STX8: variants seen among roughly 807,000 people sequenced by gnomAD.
The protein encoded by STX8 is syntaxin-8.
A neutral mutation model predicts 37.5 loss-of-function variants in STX8; 23 were observed. The observed-to-expected ratio is 0.61, with a 90% CI of 0.44 to 0.87. STX8 has a LOEUF of 0.87. Among genes scored for constraint, STX8 ranks in the 40% least tolerant of loss-of-function variants. STX8 has a pLI of 0.00. For missense variants in STX8, 313 were observed against 284.7 expected, an observed-to-expected ratio of 1.10 and a Z score of -0.71; for synonymous variants, 115 against 99.1, an observed-to-expected ratio of 1.16 and a Z score of -0.95.
At position 9,563,859 on chromosome 17, in the gene STX8, C is replaced by T. The variant is rs923872856; in HGVS notation, c.117+4512G>A. Among the ~76,000 whole-genome samples the T allele has an allele frequency of 6.6e-5, 10 of 152,044 alleles. No individual in the cohort carries two copies. The South Asian group carries it at 8.3e-4, about 13-fold the overall frequency. ...AGTCCTCAAAAAAATACTGGCAAAC[C>T]GAATCCAGCAGCACATCAAAAAGCT... On this transcript the variant is annotated intron_variant, in intron 2 of 7. Coordinates refer to ENST00000306357, the MANE Select transcript of STX8 (RefSeq NM_004853.3).
chr17:9,321,037 G>A (rs1323162516), intron 7 of STX8, among the ~76,000 whole-genome samples: 2 of 151,680 alleles, frequency 1.3e-5, no homozygotes, highest in African/African-American at 2.4e-5. Flanking sequence ...CGAGAGAAGA[G>A]GTAGAAGAAA....
At chr17:9,485,761 T>C (rs1906568980) in intron 6 of STX8, among the ~76,000 whole-genome samples, 1 of 152,088 alleles carries the variant, frequency 6.6e-6, no homozygotes, top group Non-Finnish European at 1.5e-5. Flanking sequence ...AATTTTTTTA[T>C]TTTTAGTAGA....
chr17:9,323,939 G>C (rs1455231950), intron 7 of STX8, among the ~76,000 whole-genome samples: 1 of 152,158 alleles, frequency 6.6e-6, no homozygotes, highest in Non-Finnish European at 1.5e-5. Flanking sequence ...GGTGGTACCT[G>C]CTGGGGGAAT....
chr17:9,520,813 T>C (rs184258445), intron 4 of STX8, among the ~76,000 whole-genome samples: 3 of 152,322 alleles, frequency 2.0e-5, no homozygotes, highest in African/African-American at 4.8e-5. Flanking sequence ...TTCCAAGAAG[T>C]AGCTTTCTTT....
rs75196803 is a variant in STX8, at chr17:9,535,839, A to G, written c.323+9333T>C. On this transcript the variant is annotated intron_variant, in intron 4 of 7. Coordinates refer to ENST00000306357, the MANE Select transcript of STX8 (RefSeq NM_004853.3). The stretch of plus-strand genomic sequence containing the variant: ...AAAAGACTGAAAACAATACTCGCAT[A>G]TATATAAGAGCCTAGTTAAATGACA... Among the ~76,000 whole-genome samples, 1,347 of 152,304 alleles carry G rather than the reference A, an allele frequency of 8.8e-3. 26 individuals are homozygous for G. Among genetic ancestry groups the G allele is most frequent in the African/African-American group, 0.03 (1,255 of 41,556 alleles).
intron 7 of STX8, among the ~76,000 whole-genome samples, chr17:9,302,953 G>A (rs1908837658): frequency 6.7e-6 from 1 of 149,008 alleles, no homozygotes. Flanking sequence ...ACCGAAAAAT[G>A]GTGAATTTTA....
chr17:9,449,486 G>C (rs528089465), intron 6 of STX8, among the ~76,000 whole-genome samples: 1 of 152,180 alleles, frequency 6.6e-6, no homozygotes, highest in South Asian at 2.1e-4. Context: ...CGTGAACCCC[G>C]GGGGACGGAG....
Position 9,435,216 on chromosome 17 carries a change from A to G in STX8, c.542-56563T>C, listed in dbSNP as rs57854741. On this transcript the variant is annotated intron_variant, in intron 6 of 7. Coordinates refer to ENST00000306357, the MANE Select transcript of STX8 (RefSeq NM_004853.3). ...AAAGATACTGAGCCGTGTTTTAGAC[A>G]TGTTGCATTTGAAGGACCGTTCAGG... 3.0e-3 allele frequency among the ~76,000 whole-genome samples: 457 copies of G among 152,322 alleles called. 3 individuals carry two copies. The highest frequency in any genetic ancestry group is 0.01 in the African/African-American group (424 of 41,578).
chr17:9,409,336 T>C (rs1912905963), intron 6 of STX8, among the ~76,000 whole-genome samples: 2 of 152,084 alleles, frequency 1.3e-5, no homozygotes, highest in South Asian at 4.1e-4. Context: ...ACTATGAAAG[T>C]GCTAAGGAGA....
chr17:9,372,222 G>A lies in STX8; in HGVS notation c.643+6330C>T, dbSNP rs112531002. On this transcript the variant is annotated intron_variant, in intron 7 of 7. Transcript: ENST00000306357. ...TTGTCAATACTGTATTTTCCCTCCC[G>A]TCTTTTTCTTCTCCTATTCTGCTCA... is the stretch of plus-strand genomic sequence containing the variant. 1.1e-4 allele frequency among the ~76,000 whole-genome samples: 16 copies of A among 152,120 alleles called. 2 individuals carry two copies. Among genetic ancestry groups the A allele is most frequent in the East Asian group, 5.8e-4 (3 of 5,164 alleles).
At chr17:9,485,215 G>T (rs555296934) in intron 6 of STX8, among the ~76,000 whole-genome samples, 54 of 152,310 alleles carry the variant, frequency 3.5e-4, no homozygotes, top group African/African-American at 1.2e-3. Flanking sequence ...ACAAGGCAAG[G>T]TATCAGGCTA....
intron 7 of STX8, among the ~76,000 whole-genome samples, chr17:9,262,400 C>T (rs894917416): frequency 2.0e-5 from 3 of 152,132 alleles, no homozygotes; most frequent in African/African-American, 4.8e-5. Flanking sequence ...TGGTAACACT[C>T]GAGGGGTGGG....
At chr17:9,407,333 C>A (rs1912836618) in intron 6 of STX8, among the ~76,000 whole-genome samples, 1 of 152,094 alleles carries the variant, frequency 6.6e-6, no homozygotes, top group Non-Finnish European at 1.5e-5. Flanking sequence ...CTGGCCCCAG[C>A]ACCGTATTTT....
At chr17:9,427,630 C>T (rs1014961781) in intron 6 of STX8, among the ~76,000 whole-genome samples, 2 of 152,042 alleles carry the variant, frequency 1.3e-5, no homozygotes, top group African/African-American at 2.4e-5. Flanking sequence ...GCTGTGGCTG[C>T]GGCTGCCTCG....
At chr17:9,478,868 T>C (rs1025128895) in intron 6 of STX8, among the ~76,000 whole-genome samples, 3 of 152,192 alleles carry the variant, frequency 2.0e-5, no homozygotes, top group African/African-American at 7.2e-5. Flanking sequence ...ATCAGCTCCC[T>C]TCGGCCCATT....
intron 7 of STX8, among the ~76,000 whole-genome samples, chr17:9,360,729 G>C (rs1911035185): frequency 6.6e-6 from 1 of 151,572 alleles, no homozygotes; most frequent in Admixed American, 6.6e-5. Context: ...CGTTTTAAGG[G>C]CCAAAAGAGA....
rs139581667 is a variant in STX8 at position 9,506,802 on chromosome 17, C to T, written c.324-1640G>A. ...CAGATTAGGAGCATTCCCCACTCCC[C>T]ACCCACTCCATGAGCCAAGTTACTA... On this transcript the variant is annotated intron_variant, in intron 4 of 7. Transcript: ENST00000306357. 4.0e-3 allele frequency among the ~76,000 whole-genome samples: 616 copies of T among 152,192 alleles called. 5 individuals are homozygous for T. Among genetic ancestry groups the T allele is most frequent in the African/African-American group, 0.014 (585 of 41,508 alleles).
At chr17:9,505,187 A>G (rs1444508086) in intron 4 of STX8, 25 bp from the exon 5 acceptor site, 1 of 1,588,848 alleles carries the variant, frequency 6.3e-7, no homozygotes. Flanking sequence ...TAAATGCATG[A>G]TATATCTCAA....
At chr17:9,382,329 C>T (rs1248379804) in intron 6 of STX8, among the ~76,000 whole-genome samples, 1 of 152,146 alleles carries the variant, frequency 6.6e-6, no homozygotes, top group Non-Finnish European at 1.5e-5. Flanking sequence ...AACAGAAATA[C>T]AATATCTATC....
Sources: allele counts gnomAD v4.1 joint callset (sites outside exome capture counted in the v4.1 genomes callset), GRCh38; gene constraint gnomAD v4.1.1; transcripts MANE v1.5; gene names NCBI Gene and HGNC (gene_info 2026-07-23, HGNC 2026-07-21).